The following CCNYL1 variants were observed in gnomAD, a reference collection of about 807,000 sequenced individuals.
CCNYL1 encodes the protein cyclin Y like 1, also known as cyclin-Y-like protein 1.
In CCNYL1, 16 loss-of-function variants were observed where a neutral mutation model predicts 44.2. The observed-to-expected ratio is 0.36, with a 90% CI of 0.25 to 0.55. The LOEUF (loss-of-function observed/expected upper bound fraction) is 0.55, where lower values mean the gene tolerates loss of function less well. Among genes scored for constraint, CCNYL1 ranks in the 20% least tolerant of loss-of-function variants. CCNYL1 has a pLI of 0.85. For missense variants in CCNYL1, 348 were observed against 451.8 expected, an observed-to-expected ratio of 0.77 and a Z score of 2.08; for synonymous variants, 159 against 163.2, an observed-to-expected ratio of 0.97 and a Z score of 0.20.
intron 3 of CCNYL1, among the ~76,000 whole-genome samples, chr2:207,728,431 A>G (rs1228440884): frequency 6.6e-6 from 1 of 151,858 alleles, no homozygotes; most frequent in African/African-American, 2.4e-5. Flanking sequence ...ATGTGCCACT[A>G]TGTCCAGCTA....
chr2:207,721,844 C>T (rs896298563), intron 1 of CCNYL1, among the ~76,000 whole-genome samples: 3 of 149,478 alleles, frequency 2.0e-5, no homozygotes, highest in Non-Finnish European at 4.5e-5. Context: ...AAGCAATTCT[C>T]CTGCCTCAGC....
At chr2:207,717,102 C>G (rs1575207872) in intron 1 of CCNYL1, among the ~76,000 whole-genome samples, 1 of 146,994 alleles carries the variant, frequency 6.8e-6, no homozygotes. Flanking sequence ...GAGCGAGACT[C>G]CATCTCAAAA....
intron 5 of CCNYL1, among the ~76,000 whole-genome samples, chr2:207,740,093 T>C (rs2091796845): frequency 1.3e-5 from 2 of 152,202 alleles, no homozygotes; most frequent in Admixed American, 1.3e-4. Flanking sequence ...GGAGAACCAC[T>C]GGTTTTATTA....
At chr2:207,729,042 C>G (rs2091701192) in intron 3 of CCNYL1, among the ~76,000 whole-genome samples, 1 of 152,090 alleles carries the variant, frequency 6.6e-6, no homozygotes, top group African/African-American at 2.4e-5. Context: ...TGTGATCTGC[C>G]CGCCTCGGCG....
At chr2:207,720,743 G>C (rs2091634189) in intron 1 of CCNYL1, among the ~76,000 whole-genome samples, 1 of 152,112 alleles carries the variant, frequency 6.6e-6, no homozygotes, top group Non-Finnish European at 1.5e-5. Context: ...TCTAAAAAAG[G>C]AGTTAAGTGC....
intron 4 of CCNYL1, among the ~76,000 whole-genome samples, chr2:207,735,727 C>T (rs7577399): frequency 0.14 from 21,234 of 151,998 alleles, 2,370 homozygotes; most frequent in East Asian, 0.38. Flanking sequence ...ATTAGCCAAG[C>T]GTGGTGGCGT....
At chr2:207,718,765 T>C (rs1011485019) in intron 1 of CCNYL1, among the ~76,000 whole-genome samples, 2 of 152,232 alleles carry the variant, frequency 1.3e-5, no homozygotes, top group African/African-American at 4.8e-5. Context: ...AAGAGGAATT[T>C]GGCATAATCT....
chr2:207,727,265 C>T (rs1376197678), intron 3 of CCNYL1, among the ~76,000 whole-genome samples: 2 of 152,128 alleles, frequency 1.3e-5, no homozygotes, highest in East Asian at 1.9e-4. Flanking sequence ...TCCACCGTGA[C>T]CTTATTTTCT....
chr2:207,750,856 G>T, intron 8 of CCNYL1, 101 bp from the exon 9 acceptor site: 1 of 962,986 alleles, frequency 1.0e-6, no homozygotes, highest in Non-Finnish European at 1.6e-6. Context: ...TTTTAAAATA[G>T]AGTTTAGAGC....
chr2:207,718,965 A>T (rs918447038), intron 1 of CCNYL1, among the ~76,000 whole-genome samples: 8 of 151,646 alleles, frequency 5.3e-5, no homozygotes, highest in African/African-American at 1.9e-4. Context: ...GAGGAGAATT[A>T]TGGAGCTGTT....
At chr2:207,743,070 A>G (rs936465523) in intron 7 of CCNYL1, among the ~76,000 whole-genome samples, 6 of 152,226 alleles carry the variant, frequency 3.9e-5, no homozygotes, top group African/African-American at 1.4e-4. Context: ...GAGGGAAAGA[A>G]TACTTAGGTC....
At chr2:207,743,356 A>G (rs1321488450) in intron 7 of CCNYL1, among the ~76,000 whole-genome samples, 1 of 152,234 alleles carries the variant, frequency 6.6e-6, no homozygotes, top group Non-Finnish European at 1.5e-5. Flanking sequence ...ACAGTGTCCA[A>G]TAATCATTTG....
At chr2:207,715,883 C>G (rs1434797933) in intron 1 of CCNYL1, among the ~76,000 whole-genome samples, 1 of 151,396 alleles carries the variant, frequency 6.6e-6, no homozygotes, top group African/African-American at 2.4e-5. Flanking sequence ...ACCATGTTGG[C>G]CAGGCTGGTC....
At chr2:207,737,610 T>C (rs1199308755) in intron 5 of CCNYL1, among the ~76,000 whole-genome samples, 164 bp downstream of exon 5, 1 of 152,202 alleles carries the variant, frequency 6.6e-6, no homozygotes, top group Non-Finnish European at 1.5e-5. Flanking sequence ...GTTTCAATTA[T>C]TAAATTACTG....
Position 207,742,247 on chromosome 2 carries a change from T to C in CCNYL1, c.544T>C (p.Phe182Leu). The change falls in exon 7 of 10, where the codon TTT (phenylalanine) becomes CTT (leucine). Residue 182 changes from phenylalanine (F) to leucine (L), a missense_variant. This residue lies in a region of CCNYL1 where 209 missense variants were observed against 247.7 expected (regional missense o/e 0.84). Coordinates refer to ENST00000295414, the MANE Select transcript of CCNYL1 (RefSeq NM_001330218.2). Reference sequence around the variant, plus strand: ...GCGAGAAAAAGTTCCAGAGGAATACTTTAAGCATGATCCTGAGCACAAATT... The same window carrying C: ...GCGAGAAAAAGTTCCAGAGGAATACCTTAAGCATGATCCTGAGCACAAATT... ...LTREKVPEEYFKHDPEHKFIY... is the reference protein window; with the variant it reads ...LTREKVPEEYLKHDPEHKFIY... 1 of 1,612,442 alleles carries C rather than the reference T, an allele frequency of 6.2e-7. No individual in the cohort carries two copies. The highest frequency in any genetic ancestry group is 8.5e-7 in the Non-Finnish European group (1 of 1,179,692).
At chr2:207,731,754 G>A (rs1303235529) in intron 3 of CCNYL1, among the ~76,000 whole-genome samples, 1 of 150,616 alleles carries the variant, frequency 6.6e-6, no homozygotes, top group Non-Finnish European at 1.5e-5. Context: ...TTGGATAGTT[G>A]AAAGTTAGTG....
chr2:207,722,222 G>A (rs1426704625), intron 1 of CCNYL1, among the ~76,000 whole-genome samples: 9 of 151,782 alleles, frequency 5.9e-5, no homozygotes, highest in Admixed American at 1.3e-4. Flanking sequence ...AGAGGTGCAC[G>A]CCATCACGCC....
intron 9 of CCNYL1, among the ~76,000 whole-genome samples, chr2:207,752,895 T>C (rs1302706139): frequency 7.3e-6 from 1 of 137,104 alleles, no homozygotes; most frequent in Non-Finnish European, 1.7e-5. Flanking sequence ...AAAAATTAGC[T>C]GGGTATGGTG....
At chr2:207,751,970 G>A (rs1359273621) in intron 9 of CCNYL1, among the ~76,000 whole-genome samples, 3 of 152,098 alleles carry the variant, frequency 2.0e-5, no homozygotes, top group Non-Finnish European at 4.4e-5. Flanking sequence ...GGGAGGCGGA[G>A]GTTGCAGTGA....
Sources: allele counts gnomAD v4.1 joint callset (sites outside exome capture counted in the v4.1 genomes callset), GRCh38; gene constraint gnomAD v4.1.1; regional missense constraint gnomAD v4.1.1; transcripts MANE v1.5; gene names NCBI Gene and HGNC (gene_info 2026-07-23, HGNC 2026-07-21).